The following RXRA variants were observed in gnomAD, a reference collection of about 807,000 sequenced individuals.
RXRA encodes the protein retinoic acid receptor RXR-alpha.
In RXRA, 5 loss-of-function variants were observed where a neutral mutation model predicts 44.5. The observed-to-expected ratio is 0.11, with a 90% CI of 0.06 to 0.24. RXRA has a LOEUF of 0.24. RXRA is among the 10% of genes least tolerant of loss of function. The probability of loss-of-function intolerance (pLI) is 1.00; values close to 1 mark genes in which losing one functional copy is unlikely to be tolerated. For synonymous variants in RXRA, 291 were observed against 271.4 expected, an observed-to-expected ratio of 1.07 and a Z score of -0.71; for missense variants, 412 against 646.5, an observed-to-expected ratio of 0.64 and a Z score of 3.93.
At chr9:134,389,652 G>C (rs1588281552) in intron 1 of RXRA, among the ~76,000 whole-genome samples, 2 of 152,290 alleles carry the variant, frequency 1.3e-5, no homozygotes, top group Admixed American at 1.3e-4. Flanking sequence ...GGTGTGCTGA[G>C]CTGGCCTTAG....
chr9:134,346,677 C>T (rs997640896), intron 1 of RXRA, among the ~76,000 whole-genome samples: 10 of 152,190 alleles, frequency 6.6e-5, no homozygotes, highest in Admixed American at 6.5e-4. Flanking sequence ...GGGTGGATGC[C>T]CCCAAGGGTG....
At chr9:134,361,143 C>A (rs1830346575) in intron 1 of RXRA, among the ~76,000 whole-genome samples, 1 of 152,242 alleles carries the variant, frequency 6.6e-6, no homozygotes, top group South Asian at 2.1e-4. Context: ...TCTGACTCAT[C>A]CAATTAATGC....
At chr9:134,376,977 GTGTGCCCTGGCCC>G (rs1433390935) in intron 1 of RXRA, among the ~76,000 whole-genome samples, 4 of 152,200 alleles carry the variant, frequency 2.6e-5, no homozygotes, top group African/African-American at 9.6e-5. Context: ...GTGTGCGATT[GTGTGCCCTGGCCC>G]TGTGCCACGC....
At position 134,422,664 on chromosome 9, in the gene RXRA, A is replaced by G. The variant is rs554766125; in HGVS notation, c.910+859A>G. 97 of 980,110 alleles carry G rather than the reference A, an allele frequency of 9.9e-5. No individual in the cohort carries two copies. The Middle Eastern group carries it at 1.6e-3, about 16-fold the overall frequency. The allele number at this position is 980,110 out of a possible 1,614,324, so 60.7% of individuals were successfully genotyped here. ...CCCGGACACTCCCCACTCCCCGGAC[A>G]CTCCCCACTCCCGGGACACTCCCCC... On this transcript the variant is annotated intron_variant, in intron 6 of 9. Transcript: ENST00000481739.
chr9:134,382,376 G>C (rs115014854), intron 1 of RXRA, among the ~76,000 whole-genome samples: 4,488 of 152,164 alleles, frequency 0.029, 250 homozygotes, highest in African/African-American at 0.1. Flanking sequence ...TGAGGCCTGG[G>C]GAGACAGTGG....
chr9:134,338,170 A>G (rs881657), intron 1 of RXRA, among the ~76,000 whole-genome samples: 57,205 of 151,768 alleles, frequency 0.38, 11,979 homozygotes, highest in African/African-American at 0.57. Flanking sequence ...ACAGAAGACA[A>G]GCATGTGGTT....
chr9:134,347,086 G>C (rs1424404468), intron 1 of RXRA, among the ~76,000 whole-genome samples: 1 of 151,442 alleles, frequency 6.6e-6, no homozygotes, highest in Non-Finnish European at 1.5e-5. Context: ...GTGGGAGTGG[G>C]GTGGTGGCCT....
chr9:134,396,514 G>A (rs1456843255), intron 1 of RXRA, among the ~76,000 whole-genome samples: 2 of 151,952 alleles, frequency 1.3e-5, no homozygotes, highest in African/African-American at 2.4e-5. Context: ...AGTTCCGGGC[G>A]GGGGGGTCCC....
chr9:134,326,676 C>T lies in RXRA; in HGVS notation c.28+17C>T, dbSNP rs1201354270. ...TGCCGCTCGGTGAGTGCTCGCCGGG[C>T]CGGGCGGGGACGGGGCCGGGGGCCG... On this transcript the variant is annotated intron_variant, in intron 1 of 9. Transcript: ENST00000481739. 3.3e-6 allele frequency: 3 copies of T among 918,756 alleles called. No individual in the cohort carries two copies. The highest frequency in any genetic ancestry group is 1.2e-4 in the East Asian group (1 of 8,124). 56.9% of individuals were successfully genotyped at this position (918,756 alleles called of 1,614,324 possible). A position where few individuals can be genotyped will look rare whatever the true frequency, so the allele number is the denominator to read the frequency against.
intron 1 of RXRA, among the ~76,000 whole-genome samples, chr9:134,382,061 A>C (rs1253116324): frequency 6.6e-6 from 1 of 152,044 alleles, no homozygotes; most frequent in Non-Finnish European, 1.5e-5. Flanking sequence ...CCAGCTGGGC[A>C]CTTTGGTCTC....
chr9:134,352,412 G>C (rs571125495), intron 1 of RXRA, among the ~76,000 whole-genome samples: 14 of 152,222 alleles, frequency 9.2e-5, no homozygotes, highest in Middle Eastern at 3.4e-3. Context: ...ATCCTTCCCT[G>C]CTTCTGAGCA....
At position 134,426,841 on chromosome 9, in the gene RXRA, G is replaced by C. The variant is rs1588306683; in HGVS notation, c.911-2267G>C. 1.0e-6 allele frequency: 1 copy of C among 985,234 alleles called. No homozygotes were observed. Among genetic ancestry groups the C allele is most frequent in the African/African-American group, 1.7e-5 (1 of 57,208 alleles). 61.0% of individuals were successfully genotyped at this position (985,234 alleles called of 1,614,324 possible). On this transcript the variant is annotated intron_variant, in intron 6 of 9. Transcript: ENST00000481739. This position sits in a 1 kb window ranked among gnomAD's most constrained non-coding sequence, Gnocchi z 4.6. ...GTGCCCCAGCCCAGATCTTGTCCTC[G>C]GCCCCCTGGGTCCCTGCCCTTGGCC...
intron 7 of RXRA, 145 bp from the exon 8 acceptor site, chr9:134,431,760 G>A: frequency 3.3e-6 from 2 of 606,510 alleles, no homozygotes; most frequent in South Asian, 2.0e-5. Context: ...CTCTCGGGGT[G>A]TCTGGGAGTC....
At chr9:134,388,401 T>C (rs957761577) in intron 1 of RXRA, among the ~76,000 whole-genome samples, 69 of 152,126 alleles carry the variant, frequency 4.5e-4, no homozygotes, top group African/African-American at 1.4e-3. Flanking sequence ...TTACTGTCTC[T>C]TCTGGGAATG....
At chr9:134,399,159 C>T (rs568406048) in intron 1 of RXRA, among the ~76,000 whole-genome samples, 8 of 152,318 alleles carry the variant, frequency 5.3e-5, no homozygotes, top group South Asian at 4.1e-4. Flanking sequence ...AGGTTTCCTC[C>T]GGCAGGGGTC....
At chr9:134,368,291 G>A (rs1289550064) in intron 1 of RXRA, among the ~76,000 whole-genome samples, 1 of 152,234 alleles carries the variant, frequency 6.6e-6, no homozygotes, top group Non-Finnish European at 1.5e-5. Flanking sequence ...GTGCCTGTGA[G>A]GTGCTGTTCC....
chr9:134,435,207 C>A (rs1432128484), intron 9 of RXRA, among the ~76,000 whole-genome samples: 1 of 152,232 alleles, frequency 6.6e-6, no homozygotes, highest in Admixed American at 6.5e-5. Context: ...TTAATGAGGT[C>A]CTGCAGCCCC....
intron 1 of RXRA, among the ~76,000 whole-genome samples, chr9:134,360,279 G>A (rs895849286): frequency 6.6e-5 from 10 of 152,198 alleles, no homozygotes; most frequent in African/African-American, 2.4e-4. Flanking sequence ...CCGGTGACAG[G>A]CTGCGGACTG....
At chr9:134,381,143 T>G (rs989987829) in intron 1 of RXRA, among the ~76,000 whole-genome samples, 3 of 152,070 alleles carry the variant, frequency 2.0e-5, no homozygotes, top group African/African-American at 7.2e-5. Flanking sequence ...AGGACAGACA[T>G]GGGCTGGGAG....
Sources: allele counts gnomAD v4.1 joint callset (sites outside exome capture counted in the v4.1 genomes callset), GRCh38; gene constraint gnomAD v4.1.1; non-coding constraint Gnocchi (gnomAD v3.1); transcripts MANE v1.5; gene names NCBI Gene and HGNC (gene_info 2026-07-23, HGNC 2026-07-21).